The following ZNF385B variants were observed in gnomAD, a reference collection of about 807,000 sequenced individuals.
The protein encoded by ZNF385B is zinc finger protein 533.
Under a neutral mutation model 39.2 loss-of-function variants are expected in ZNF385B, and 23 were observed. The ratio of observed to expected loss-of-function variants is 0.59; its 90% CI spans 0.42 to 0.83. The LOEUF (loss-of-function observed/expected upper bound fraction) is 0.83. ZNF385B is among the 40% of genes least tolerant of loss of function. The probability of loss-of-function intolerance (pLI) is 0.00; values close to 1 mark genes in which losing one functional copy is unlikely to be tolerated. For synonymous variants in ZNF385B, 205 were observed against 222.6 expected, an observed-to-expected ratio of 0.92 and a Z score of 0.70; for missense variants, 552 against 598.9, an observed-to-expected ratio of 0.92 and a Z score of 0.82.
intron 1 of ZNF385B, among the ~76,000 whole-genome samples, chr2:179,832,073 A>T (rs1160036619): frequency 6.6e-6 from 1 of 152,210 alleles, no homozygotes; most frequent in Non-Finnish European, 1.5e-5. Context: ...GCCTCCTTCC[A>T]TCGACAAGTC....
intron 5 of ZNF385B, among the ~76,000 whole-genome samples, chr2:179,498,339 G>C (rs1409103917): frequency 6.6e-6 from 1 of 150,692 alleles, no homozygotes; most frequent in Non-Finnish European, 1.5e-5. Context: ...AGACCAAATG[G>C]GCCTATTAGA....
chr2:179,656,431 T>C (rs1046395739), intron 3 of ZNF385B, among the ~76,000 whole-genome samples: 1 of 152,172 alleles, frequency 6.6e-6, no homozygotes, highest in Non-Finnish European at 1.5e-5. Context: ...AATTTAAGTA[T>C]ATCTTGTCCT....
At chr2:179,521,341 C>T (rs1031832157) in intron 4 of ZNF385B, among the ~76,000 whole-genome samples, 9 of 138,368 alleles carry the variant, frequency 6.5e-5, no homozygotes, top group Non-Finnish European at 1.3e-4. Context: ...CACCCACCAC[C>T]GCACCTGGCC....
At chr2:179,797,925 C>G (rs909229567) in intron 1 of ZNF385B, among the ~76,000 whole-genome samples, 1 of 152,080 alleles carries the variant, frequency 6.6e-6, no homozygotes, top group African/African-American at 2.4e-5. Flanking sequence ...AGCTAATATA[C>G]TCTTACAAAA....
At chr2:179,718,141 T>C (rs984315697) in intron 3 of ZNF385B, among the ~76,000 whole-genome samples, 2 of 152,064 alleles carry the variant, frequency 1.3e-5, no homozygotes, top group African/African-American at 2.4e-5. Context: ...TTAAATAGAA[T>C]ATGATATGAA....
intron 3 of ZNF385B, among the ~76,000 whole-genome samples, chr2:179,665,088 C>G (rs62177573): frequency 0.051 from 7,824 of 152,204 alleles, 350 homozygotes; most frequent in East Asian, 0.17. Context: ...TCTTCTGGGC[C>G]GTACTGATCC....
At chr2:179,517,557 C>T (rs982219637) in intron 5 of ZNF385B, among the ~76,000 whole-genome samples, 2 of 151,844 alleles carry the variant, frequency 1.3e-5, no homozygotes, top group African/African-American at 2.4e-5. Flanking sequence ...GTAGAATTAT[C>T]GAAACATAAT....
intron 3 of ZNF385B, among the ~76,000 whole-genome samples, chr2:179,575,209 G>A (rs1178144502): frequency 6.6e-6 from 1 of 152,080 alleles, no homozygotes; most frequent in African/African-American, 2.4e-5. Flanking sequence ...TTTGGGCTGG[G>A]AGAATTCGCT....
In ZNF385B at chr2:179,822,265, GT is replaced by G. The variant is rs144325896; in HGVS notation, c.-155+38835del. Among the ~76,000 whole-genome samples, 1,093 of 152,280 alleles carry G rather than the reference GT, an allele frequency of 7.2e-3. 15 individuals are homozygous for G. Among genetic ancestry groups the G allele is most frequent in the African/African-American group, 0.025 (1,044 of 41,550 alleles). On this transcript the variant is annotated intron_variant, in intron 1 of 9. Transcript: ENST00000410066. Reference sequence around the variant, plus strand: ...TAACCACACATTTTCCAAGTGGGAGGTCATTTCACTGTTTAGTTTCTTAAAT... The same window carrying G: ...TAACCACACATTTTCCAAGTGGGAGGCATTTCACTGTTTAGTTTCTTAAAT...
intron 3 of ZNF385B, chr2:179,583,828 TG>T: frequency 8.8e-7 from 1 of 1,137,552 alleles, no homozygotes; most frequent in Non-Finnish European, 1.2e-6. Flanking sequence ...ACAGTGGAAC[TG>T]GCAGCAGGGC....
chr2:179,574,471 C>A (rs3112977), intron 3 of ZNF385B, among the ~76,000 whole-genome samples: 3 of 151,956 alleles, frequency 2.0e-5, no homozygotes, highest in Admixed American at 1.3e-4. Context: ...CTGCTTTATC[C>A]TGAATAAGGA....
intron 3 of ZNF385B, among the ~76,000 whole-genome samples, chr2:179,597,364 T>C (rs17818703): frequency 0.25 from 37,637 of 152,212 alleles, 5,770 homozygotes; most frequent in Non-Finnish European, 0.33. Context: ...AACACTTTAA[T>C]ACAGTTTAGT....
intron 3 of ZNF385B, chr2:179,637,292 G>T (rs1219120968): frequency 1.3e-5 from 2 of 152,176 alleles, no homozygotes; most frequent in Non-Finnish European, 2.9e-5. Context: ...GACACAGATA[G>T]CCTGCCCTAG....
rs183734265 is a variant in ZNF385B, at chr2:179,765,654, T to C, written c.298+3849A>G. Among the ~76,000 whole-genome samples, 9 of 152,288 alleles carry C rather than the reference T, an allele frequency of 5.9e-5. No individual in the cohort carries two copies. The East Asian group carries it at 1.5e-3, about 26-fold the overall frequency. ...TCCCAGGTTCAACCAGCAGCTTCTG[T>C]ACTCCCTAAACCCATAAGAAATTAT... On this transcript the variant is annotated intron_variant, in intron 3 of 9. Transcript: ENST00000410066.
chr2:179,823,155 G>A (rs755702604), intron 1 of ZNF385B, among the ~76,000 whole-genome samples: 17 of 152,106 alleles, frequency 1.1e-4, no homozygotes, highest in Non-Finnish European at 1.8e-4. Context: ...GTGAGATAAA[G>A]CAGTTGAGGT....
chr2:179,479,968 C>T (rs775285695), intron 6 of ZNF385B, among the ~76,000 whole-genome samples: 1 of 152,224 alleles, frequency 6.6e-6, no homozygotes, highest in Non-Finnish European at 1.5e-5. Context: ...CCTCTGTTAA[C>T]TCCTGGCTAT....
intron 3 of ZNF385B, among the ~76,000 whole-genome samples, chr2:179,585,255 C>T (rs16866809): frequency 0.28 from 42,523 of 152,038 alleles, 6,301 homozygotes; most frequent in African/African-American, 0.33. Context: ...TGAGTTCTGT[C>T]TTCAGGTTAT....
chr2:179,549,891 T>C (rs1429458533), intron 3 of ZNF385B, among the ~76,000 whole-genome samples: 1 of 149,032 alleles, frequency 6.7e-6, no homozygotes, highest in African/African-American at 2.5e-5. Context: ...ATTTTTTTTT[T>C]TCTGATGCTC....
chr2:179,462,181 CA>C (rs1354090809), intron 6 of ZNF385B, among the ~76,000 whole-genome samples: 1 of 152,076 alleles, frequency 6.6e-6, no homozygotes, highest in Non-Finnish European at 1.5e-5. Flanking sequence ...ATTATTATTC[CA>C]AAAAACAAAG....
Sources: gnomAD v4.1 joint callset for allele counts (sites outside exome capture counted in the v4.1 genomes callset) on GRCh38, gnomAD v4.1.1 for gene constraint, MANE v1.5 for transcripts, NCBI Gene and HGNC (gene_info 2026-07-23, HGNC 2026-07-21) for gene names.